The following DAGLA variants were observed in gnomAD, a reference collection of about 807,000 sequenced individuals.
DAGLA encodes diacylglycerol lipase-alpha.
A neutral mutation model predicts 102.6 loss-of-function variants in DAGLA; 22 were observed. That is an observed-to-expected ratio of 0.21 (90% confidence interval 0.15 to 0.31). The LOEUF (loss-of-function observed/expected upper bound fraction) is 0.31. DAGLA is among the 10% of genes least tolerant of loss of function. The pLI is 1.00. For missense variants in DAGLA, 927 were observed against 1,446.6 expected (o/e 0.64, Z 5.83); for synonymous variants, 578 against 628.9 (o/e 0.92, Z 1.21).
intron 15 of DAGLA, 25 bp downstream of exon 15, chr11:61,737,780 G>C: frequency 1.2e-6 from 2 of 1,609,084 alleles, no homozygotes; most frequent in Non-Finnish European, 1.7e-6. Flanking sequence ...CCGCTCCATG[G>C]TCCCTTGCCA....
Position 61,732,699 on chromosome 11 carries a change from C to A in DAGLA, c.974+1258C>A, listed in dbSNP as rs186752605. 1.2e-4 allele frequency among the ~76,000 whole-genome samples: 18 copies of A among 152,222 alleles called. No individual in the cohort carries two copies. The East Asian group carries it at 3.5e-3, about 29-fold the overall frequency. On this transcript the variant is annotated intron_variant, in intron 9 of 19. Coordinates refer to ENST00000257215, the MANE Select transcript of DAGLA (RefSeq NM_006133.3). ...AGACCTCATGAGGGCCCAGCCAGGC[C>A]CCTGCCTGGAAGAACCAGGTGCCTG...
rs141012002 is a variant in DAGLA at position 61,710,237 on chromosome 11, G to A, written c.-44-9875G>A. Among the ~76,000 whole-genome samples the A allele has an allele frequency of 5.7e-3, 867 of 152,102 alleles. 8 individuals carry two copies. The highest frequency in any genetic ancestry group is 0.019 in the African/African-American group (809 of 41,500). Reference sequence around the variant, plus strand: ...GAGCTGATGAACTGCCTGGCAGGGGGGCCATCTGGGGAGTGAGGTCCCAGC... The same window carrying A: ...GAGCTGATGAACTGCCTGGCAGGGGAGCCATCTGGGGAGTGAGGTCCCAGC... On this transcript the variant is annotated intron_variant, in intron 1 of 19. Transcript: ENST00000257215.
chr11:61,719,195 A>G (rs2065261922), intron 1 of DAGLA, among the ~76,000 whole-genome samples: 1 of 152,076 alleles, frequency 6.6e-6, no homozygotes. Context: ...GAGGGCCCTG[A>G]GTTCCTGGGC....
At chr11:61,704,623 G>A (rs893145722) in intron 1 of DAGLA, among the ~76,000 whole-genome samples, 1 of 152,136 alleles carries the variant, frequency 6.6e-6, no homozygotes, top group African/African-American at 2.4e-5. Context: ...GGTTTGTGTC[G>A]GGAGAGTAAG....
At chr11:61,739,939 G>C (rs766634005) in intron 17 of DAGLA, among the ~76,000 whole-genome samples, 30 of 152,176 alleles carry the variant, frequency 2.0e-4, no homozygotes, top group Admixed American at 5.9e-4. Context: ...TCTCCCCACT[G>C]GTGGTCCATT....
chr11:61,696,296 G>A (rs2065064646), intron 1 of DAGLA, among the ~76,000 whole-genome samples: 3 of 152,198 alleles, frequency 2.0e-5, no homozygotes, highest in African/African-American at 7.2e-5. Context: ...GATAGTGACA[G>A]CGATTCCCAT....
chr11:61,733,251 A>G (rs2065391321), intron 9 of DAGLA, among the ~76,000 whole-genome samples: 1 of 152,126 alleles, frequency 6.6e-6, no homozygotes, highest in African/African-American at 2.4e-5. Flanking sequence ...CAAAGGCCAC[A>G]CTGTTACAGC....
intron 1 of DAGLA, among the ~76,000 whole-genome samples, chr11:61,718,382 G>A (rs1245999045): frequency 3.9e-5 from 6 of 152,108 alleles, no homozygotes; most frequent in South Asian, 2.1e-4. Flanking sequence ...CCGACCCAGC[G>A]CTGCACCTTA....
At chr11:61,706,488 G>A (rs1010183909) in intron 1 of DAGLA, among the ~76,000 whole-genome samples, 1 of 152,184 alleles carries the variant, frequency 6.6e-6, no homozygotes, top group South Asian at 2.1e-4. Flanking sequence ...TCTGCTGGCC[G>A]AGGGCCCTGC....
chr11:61,735,107 GCTGGCTGGCTGCAGCTTCCAGGCATCC>G, intron 10 of DAGLA, 105 bp downstream of exon 10: 1 of 1,347,358 alleles, frequency 7.4e-7, no homozygotes, highest in Non-Finnish European at 1.0e-6. Context: ...CTTGGCTGGT[GCTGGCTGGCTGCAGCTTCCAGGCATCC>G]CTAGCTGGGC....
intron 1 of DAGLA, among the ~76,000 whole-genome samples, chr11:61,690,747 G>A (rs920506982): frequency 1.3e-5 from 2 of 152,152 alleles, no homozygotes; most frequent in Non-Finnish European, 2.9e-5. Context: ...CCCTCACCTG[G>A]CATGGGGTTT....
At chr11:61,733,603 C>G (rs1402845440) in intron 9 of DAGLA, among the ~76,000 whole-genome samples, 3 of 152,208 alleles carry the variant, frequency 2.0e-5, no homozygotes, top group Admixed American at 1.3e-4. Context: ...GATGCTGGCT[C>G]CCTCTGGTGG....
chr11:61,728,877 C>A, intron 7 of DAGLA, 54 bp from the exon 8 acceptor site: 1 of 1,534,214 alleles, frequency 6.5e-7, no homozygotes, highest in Non-Finnish European at 9.0e-7. Flanking sequence ...CTTTCCCAGC[C>A]ATGCAGCCGG....
chr11:61,709,779 A>G (rs944605210), intron 1 of DAGLA, among the ~76,000 whole-genome samples: 1 of 152,142 alleles, frequency 6.6e-6, no homozygotes, highest in African/African-American at 2.4e-5. Flanking sequence ...CCCTGGGGAA[A>G]GAGCTCCTGT....
intron 1 of DAGLA, among the ~76,000 whole-genome samples, chr11:61,701,263 C>T (rs542422212): frequency 2.6e-5 from 4 of 152,354 alleles, no homozygotes; most frequent in East Asian, 1.9e-4. Context: ...ACCGCCCAGA[C>T]GTGATCTCAT....
At position 61,728,305 on chromosome 11, in the gene DAGLA, C is replaced by T. The variant is rs1430645349; in HGVS notation, c.771+18C>T. The T allele has an allele frequency of 1.1e-5, 17 of 1,606,158 alleles. No homozygotes were observed. Among genetic ancestry groups the T allele is most frequent in the Non-Finnish European group, 1.4e-5 (16 of 1,179,052 alleles). On this transcript the variant is annotated intron_variant, in intron 7 of 19. Coordinates refer to ENST00000257215, the MANE Select transcript of DAGLA (RefSeq NM_006133.3). ...TGGACGAGGTGAGCACCACCAGCCC[C>T]TTCTCCAGGTCACCTCTCCACACCA...
At chr11:61,722,397 C>T (rs1382174766) in intron 3 of DAGLA, among the ~76,000 whole-genome samples, 1 of 152,150 alleles carries the variant, frequency 6.6e-6, no homozygotes, top group Non-Finnish European at 1.5e-5. Flanking sequence ...ACCAGCCTGG[C>T]CAACATGACG....
chr11:61,687,997 C>G (rs1467962668), intron 1 of DAGLA, among the ~76,000 whole-genome samples: 1 of 152,124 alleles, frequency 6.6e-6, no homozygotes, highest in South Asian at 2.1e-4. Context: ...TGGGAAAGGC[C>G]TTTGGGAAAG....
chr11:61,729,585 G>A (rs2065357981), intron 8 of DAGLA, among the ~76,000 whole-genome samples: 1 of 152,188 alleles, frequency 6.6e-6, no homozygotes, highest in African/African-American at 2.4e-5. Flanking sequence ...GCGTGCATCT[G>A]CTCTGATGCC....
Sources: allele counts gnomAD v4.1 joint callset (sites outside exome capture counted in the v4.1 genomes callset), GRCh38; gene constraint gnomAD v4.1.1; transcripts MANE v1.5; gene names NCBI Gene and HGNC (gene_info 2026-07-23, HGNC 2026-07-21).